Variants in AGK observed in about 807,000 individuals in gnomAD.
AGK encodes the protein acylglycerol kinase, also known as acylglycerol kinase, mitochondrial.
In AGK, 52 loss-of-function variants were observed where a neutral mutation model predicts 66.4. The observed-to-expected ratio is 0.78, with a 90% confidence interval of 0.63 to 0.99. AGK has a LOEUF of 0.99. Ranked by LOEUF, AGK falls within the 50% of genes least tolerant of loss-of-function variation. The probability of loss-of-function intolerance (pLI) is 0.00; values close to 1 mark genes in which losing one functional copy is unlikely to be tolerated. For missense variants in AGK, 451 were observed against 506.6 expected (o/e 0.89, Z 1.05); for synonymous variants, 182 against 181.1 (o/e 1.00, Z -0.04).
intron 2 of AGK, among the ~76,000 whole-genome samples, chr7:141,563,853 A>G (rs1270596590): frequency 1.3e-5 from 2 of 152,126 alleles, no homozygotes; most frequent in Non-Finnish European, 2.9e-5. Context: ...CATATCGTAG[A>G]TTCCTTGATC....
chr7:141,621,292 T>TG (rs1587137293), intron 8 of AGK, among the ~76,000 whole-genome samples: 2 of 152,228 alleles, frequency 1.3e-5, no homozygotes, highest in Admixed American at 6.5e-5. Context: ...TCTCAGGTTC[T>TG]GGATTATATT....
chr7:141,623,845 T>C (rs1796879390), intron 9 of AGK, among the ~76,000 whole-genome samples: 2 of 152,176 alleles, frequency 1.3e-5, no homozygotes, highest in Non-Finnish European at 2.9e-5. Context: ...CTTCAAAGTT[T>C]GGGACAGGCT....
intron 2 of AGK, among the ~76,000 whole-genome samples, chr7:141,560,949 G>A (rs1297103327): frequency 3.9e-5 from 6 of 151,950 alleles, no homozygotes; most frequent in East Asian, 1.9e-4. Flanking sequence ...GCCTGCCACC[G>A]CACCCAGCTA....
intron 8 of AGK, among the ~76,000 whole-genome samples, chr7:141,617,677 A>AAATTATAGGTTGC (rs1293345366): frequency 1.3e-5 from 2 of 152,198 alleles, no homozygotes; most frequent in Non-Finnish European, 2.9e-5. Context: ...GGAGAATGAT[A>AAATTATAGGTTGC]AATTATAGGT....
chr7:141,595,666 A>G (rs572085796), intron 3 of AGK, among the ~76,000 whole-genome samples: 1 of 152,244 alleles, frequency 6.6e-6, no homozygotes, highest in Admixed American at 6.5e-5. Context: ...CCCACCATTC[A>G]AGACCCCAAT....
chr7:141,570,900 A>C (rs1056343514), intron 2 of AGK, among the ~76,000 whole-genome samples: 3 of 152,176 alleles, frequency 2.0e-5, no homozygotes, highest in Admixed American at 6.5e-5. Flanking sequence ...AGTCTCTTAA[A>C]GTATAACTCC....
intron 10 of AGK, 89 bp downstream of exon 10, chr7:141,634,069 TG>T (rs1797117777): frequency 1.7e-6 from 2 of 1,151,596 alleles, no homozygotes; most frequent in African/African-American, 3.0e-5. Context: ...AGTGATCTTC[TG>T]GGAATAAATT....
At chr7:141,641,545 G>T (rs1291258488) in intron 12 of AGK, 147 bp downstream of exon 12, 11 of 969,596 alleles carry the variant, frequency 1.1e-5, no homozygotes, top group Non-Finnish European at 3.1e-6. Flanking sequence ...TGTGCCACCA[G>T]AGCAGGCCCA....
chr7:141,652,681 G>C, intron 15 of AGK, 106 bp from the exon 16 acceptor site: 1 of 1,214,358 alleles, frequency 8.2e-7, no homozygotes, highest in South Asian at 1.4e-5. Context: ...CCTCAAGAGA[G>C]GATGTTGTTT....
At chr7:141,557,521 G>A (rs1433169716) in intron 2 of AGK, among the ~76,000 whole-genome samples, 1 of 152,166 alleles carries the variant, frequency 6.6e-6, no homozygotes, top group African/African-American at 2.4e-5. Context: ...CTGTTTCTAC[G>A]ACTAGGTGAA....
chr7:141,620,825 C>T (rs759277665), intron 8 of AGK, among the ~76,000 whole-genome samples: 6 of 152,146 alleles, frequency 3.9e-5, no homozygotes, highest in Non-Finnish European at 7.3e-5. Context: ...TGAAATATGC[C>T]ACAGTATTCT....
intron 10 of AGK, among the ~76,000 whole-genome samples, chr7:141,635,557 C>T (rs1005078664): frequency 7.9e-5 from 12 of 152,180 alleles, no homozygotes; most frequent in Non-Finnish European, 1.6e-4. Flanking sequence ...TTTCTGCATT[C>T]CCTCTTGGAT....
At chr7:141,563,699 G>A (rs1795401502) in intron 2 of AGK, among the ~76,000 whole-genome samples, 2 of 152,150 alleles carry the variant, frequency 1.3e-5, no homozygotes, top group Admixed American at 6.5e-5. Context: ...TGGAACTTCA[G>A]TATCCCATTC....
At chr7:141,623,817 C>T (rs772036874) in intron 9 of AGK, among the ~76,000 whole-genome samples, 6 of 152,146 alleles carry the variant, frequency 3.9e-5, no homozygotes, top group Non-Finnish European at 5.9e-5. Context: ...TAGCTAGAGA[C>T]GGGAAGTCAA....
rs1047438118 is a variant in AGK at position 141,648,765 on chromosome 7, C to T, written c.976-498C>T. Among the ~76,000 whole-genome samples, 83 of 152,164 alleles carry T rather than the reference C, an allele frequency of 5.5e-4. 1 individual carries two copies. The highest frequency in any genetic ancestry group is 2.0e-3 in the African/African-American group (81 of 41,440). On this transcript the variant is annotated intron_variant, in intron 13 of 15. Transcript: ENST00000649286. ...TTTTTAAACATTACCATAGAATAAA[C>T]GGATTGCTGTTTTCCAACTCTGGTT...
At chr7:141,650,309 T>C (rs1169648678) in intron 14 of AGK, among the ~76,000 whole-genome samples, 1 of 152,212 alleles carries the variant, frequency 6.6e-6, no homozygotes, top group Non-Finnish European at 1.5e-5. Flanking sequence ...AATCACACAA[T>C]CTTCATTGAC....
chr7:141,609,799 A>G lies in AGK; in HGVS notation c.298-1396A>G, dbSNP rs28862429. ...CTTGAAGCTATTCAGGGGCCCACCA[A>G]TCACCTCATTAGCACAAACTGGCAA... On this transcript the variant is annotated intron_variant, in intron 5 of 15. Coordinates refer to ENST00000649286, the MANE Select transcript of AGK (RefSeq NM_018238.4). Among the ~76,000 whole-genome samples the G allele has an allele frequency of 9.9e-3, 1,512 of 152,252 alleles. 29 individuals are homozygous for G. Among genetic ancestry groups the G allele is most frequent in the African/African-American group, 0.034 (1,428 of 41,548 alleles).
chr7:141,606,641 A>G (rs138573176), intron 5 of AGK, among the ~76,000 whole-genome samples: 1 of 152,178 alleles, frequency 6.6e-6, no homozygotes, highest in South Asian at 2.1e-4. Context: ...GCCATTATTC[A>G]TGCATTATTA....
intron 13 of AGK, among the ~76,000 whole-genome samples, chr7:141,645,257 C>G (rs968834424): frequency 1.3e-5 from 2 of 151,976 alleles, no homozygotes; most frequent in Non-Finnish European, 2.9e-5. Flanking sequence ...TCTGGAATAT[C>G]CTGTCTTTTG....
Sources: gnomAD v4.1 joint callset for allele counts (sites outside exome capture counted in the v4.1 genomes callset) on GRCh38, gnomAD v4.1.1 for gene constraint, MANE v1.5 for transcripts, NCBI Gene and HGNC (gene_info 2026-07-23, HGNC 2026-07-21) for gene names.